The following GTF2B variants were observed in gnomAD, a reference collection of about 807,000 sequenced individuals.
GTF2B encodes transcription initiation factor IIB.
Under a neutral mutation model 34.6 loss-of-function variants are expected in GTF2B, and 20 were observed. The ratio of observed to expected loss-of-function variants is 0.58; its 90% CI spans 0.41 to 0.84. The LOEUF is 0.84. Among genes scored for constraint, GTF2B ranks in the 40% least tolerant of loss-of-function variants. The pLI, the probability that GTF2B is intolerant of heterozygous loss-of-function variation, is 0.00. For missense variants in GTF2B, 237 were observed against 393.3 expected, an observed-to-expected ratio of 0.60 and a Z score of 3.36; for synonymous variants, 142 against 132.4, an observed-to-expected ratio of 1.07 and a Z score of -0.50.
chr1:88,864,999 T>C (rs1194046197), intron 2 of GTF2B, among the ~76,000 whole-genome samples: 2 of 152,214 alleles, frequency 1.3e-5, no homozygotes, highest in African/African-American at 4.8e-5. Context: ...AACATGACCT[T>C]TTTCAGTGAA....
chr1:88,859,864 AC>A lies in GTF2B; in HGVS notation c.535+17del, dbSNP rs746308614. 6.2e-7 allele frequency: 1 copy of A among 1,605,930 alleles called. No homozygotes were observed. The highest frequency in any genetic ancestry group is 2.2e-5 in the East Asian group (1 of 44,718). ...CAAACAAACAAACAAACACAAAAAA[AC>A]AAAGCTAAAAACTTACCTTTAAATG... On this transcript the variant is annotated intron_variant, in intron 5 of 6. Transcript: ENST00000370500.
chr1:88,864,056 T>G lies in GTF2B; in HGVS notation c.183A>C (p.Thr61=), dbSNP rs1400821107. ...AATCTCCAACTCGAGATGGATCTTT[T>G]GTTGCTTTGTCATTGCTGAAAGTTC... ...EWRTFSNDKA[T]KDPSRVGDSQ... The change falls in exon 3 of 7, where the codon ACA becomes ACC. Residue 61 remains threonine, a synonymous_variant. Transcript: ENST00000370500. 12 of 1,613,706 alleles carry G rather than the reference T, an allele frequency of 7.4e-6. No individual in the cohort carries two copies. Among genetic ancestry groups the G allele is most frequent in the Non-Finnish European group, 1.0e-5 (12 of 1,179,600 alleles).
At chr1:88,880,642 A>T (rs971152523) in intron 2 of GTF2B, among the ~76,000 whole-genome samples, 1 of 152,198 alleles carries the variant, frequency 6.6e-6, no homozygotes, top group Non-Finnish European at 1.5e-5. Flanking sequence ...GAACAATGGG[A>T]TGAAAGGATA....
At chr1:88,854,394 C>A (rs914080785) in intron 6 of GTF2B, among the ~76,000 whole-genome samples, 1 of 152,144 alleles carries the variant, frequency 6.6e-6, no homozygotes. Flanking sequence ...CCTTTAAAGT[C>A]GCTGTCCCTT....
At chr1:88,868,369 A>G (rs1673604735) in intron 2 of GTF2B, among the ~76,000 whole-genome samples, 1 of 152,236 alleles carries the variant, frequency 6.6e-6, no homozygotes, top group Admixed American at 6.5e-5. Flanking sequence ...GTGAAGATTT[A>G]TAGTATCAAA....
At position 88,891,508 on chromosome 1, in the gene GTF2B, C is replaced by A. The variant is rs1320552530; in HGVS notation, c.-9G>T. On this transcript the variant is annotated 5_prime_UTR_variant, in exon 1 of 7. Transcript: ENST00000370500. Reference sequence around the variant, plus strand: ...CGGCTGGTAGACGCCATCTTCACGGCGACTGCGGTGCCCGCAACAAGACAC... The same window carrying A: ...CGGCTGGTAGACGCCATCTTCACGGAGACTGCGGTGCCCGCAACAAGACAC... 1 of 1,601,982 alleles carries A rather than the reference C, an allele frequency of 6.2e-7. No homozygotes were observed. Among genetic ancestry groups the A allele is most frequent in the East Asian group, 2.3e-5 (1 of 44,174 alleles).
rs796659130 is a variant in GTF2B, at chr1:88,865,846, A to AAC, written c.125-1733_125-1732insGT. On this transcript the variant is annotated intron_variant, in intron 2 of 6. Transcript: ENST00000370500. Reference sequence around the variant, plus strand: ...CAAGAGTGAAACTCCATCTCAAAAAAAAAACAAAACAAAACAAACAAACAA... The same window carrying AAC: ...CAAGAGTGAAACTCCATCTCAAAAAAACAAAACAAAACAAAACAAACAAACAA... Among the ~76,000 whole-genome samples, 262 of 149,128 alleles carry AAC rather than the reference A, an allele frequency of 1.8e-3. 5 individuals are homozygous for AAC. The highest frequency in any genetic ancestry group is 6.2e-3 in the African/African-American group (241 of 38,842).
At chr1:88,876,836 G>C (rs1372053589) in intron 2 of GTF2B, among the ~76,000 whole-genome samples, 1 of 152,166 alleles carries the variant, frequency 6.6e-6, no homozygotes, top group Non-Finnish European at 1.5e-5. Context: ...AATTAAGCTT[G>C]AACAAAGTAT....
At chr1:88,865,146 T>C (rs1673520384) in intron 2 of GTF2B, among the ~76,000 whole-genome samples, 1 of 152,214 alleles carries the variant, frequency 6.6e-6, no homozygotes, top group South Asian at 2.1e-4. Context: ...ATTAATATAA[T>C]AGTCAGGGGT....
At chr1:88,870,437 G>A (rs1203301337) in intron 2 of GTF2B, among the ~76,000 whole-genome samples, 1 of 152,088 alleles carries the variant, frequency 6.6e-6, no homozygotes, top group East Asian at 1.9e-4. Flanking sequence ...GGAATCACAG[G>A]ACAATTCTTA....
chr1:88,874,153 A>C (rs1046609287), intron 2 of GTF2B, among the ~76,000 whole-genome samples: 1 of 152,192 alleles, frequency 6.6e-6, no homozygotes, highest in Non-Finnish European at 1.5e-5. Context: ...TCATAGCGCA[A>C]TGTGAAAACC....
chr1:88,865,297 T>C (rs1400134426), intron 2 of GTF2B, among the ~76,000 whole-genome samples: 1 of 152,346 alleles, frequency 6.6e-6, no homozygotes, highest in South Asian at 2.1e-4. Flanking sequence ...GTACAGTGCA[T>C]GTAAAGTGCT....
intron 2 of GTF2B, among the ~76,000 whole-genome samples, chr1:88,880,470 A>G (rs1673911071): frequency 6.6e-6 from 1 of 152,206 alleles, no homozygotes. Context: ...ATTTTGGCTT[A>G]GAATGGACTA....
intron 2 of GTF2B, among the ~76,000 whole-genome samples, chr1:88,878,741 T>C (rs1293521413): frequency 1.3e-5 from 2 of 152,232 alleles, no homozygotes; most frequent in East Asian, 1.9e-4. Flanking sequence ...AACCCTTACC[T>C]ACCCATGTCT....
chr1:88,880,433 T>C (rs1454952800), intron 2 of GTF2B, among the ~76,000 whole-genome samples: 1 of 152,200 alleles, frequency 6.6e-6, no homozygotes, highest in African/African-American at 2.4e-5. Flanking sequence ...CAAATTCAAT[T>C]ACATATACAG....
chr1:88,891,015 T>C (rs1480335645), intron 1 of GTF2B, among the ~76,000 whole-genome samples: 4 of 150,168 alleles, frequency 2.7e-5, no homozygotes, highest in South Asian at 2.1e-4. Context: ...CCCAACTTCC[T>C]AGCTGTCAGA....
In GTF2B at chr1:88,853,243, G is replaced by A; in HGVS notation, c.921C>T (p.Asp307=). The change falls in exon 7 of 7, where the codon GAC becomes GAT. Residue 307 remains aspartate (D), a synonymous_variant. Coordinates refer to ENST00000370500, the MANE Select transcript of GTF2B (RefSeq NM_001514.6). ...PDLFPTDFKF[D]TPVDKLPQL ...GCTGTGGTAGTTTGTCCACTGGGGT[G>A]TCAAATTTGAAGTCTGTAGGAAACA... The A allele has an allele frequency of 6.2e-7, 1 of 1,613,660 alleles. No homozygotes were observed. Among genetic ancestry groups the A allele is most frequent in the South Asian group, 1.1e-5 (1 of 91,080 alleles).
At chr1:88,857,090 C>CG in intron 6 of GTF2B, 116 bp downstream of exon 6, 2 of 924,362 alleles carry the variant, frequency 2.2e-6, no homozygotes, top group Non-Finnish European at 3.3e-6. Flanking sequence ...TGTGAGCCCC[C>CG]GCGCCTGGTC....
At chr1:88,888,421 G>C (rs1299572139) in intron 1 of GTF2B, among the ~76,000 whole-genome samples, 1 of 152,068 alleles carries the variant, frequency 6.6e-6, no homozygotes, top group African/African-American at 2.4e-5. Flanking sequence ...GGGAACACGG[G>C]GGGATGAGTA....
Sources: gnomAD v4.1 joint callset for allele counts (sites outside exome capture counted in the v4.1 genomes callset) on GRCh38, gnomAD v4.1.1 for gene constraint, MANE v1.5 for transcripts, NCBI Gene and HGNC (gene_info 2026-07-23, HGNC 2026-07-21) for gene names.